Variants in EDA observed in about 807,000 individuals in gnomAD.
The protein encoded by EDA is ectodysplasin-A.
A neutral mutation model predicts 23.6 loss-of-function variants in EDA; 2 were observed. The observed-to-expected ratio is 0.08, with a 90% CI of 0.03 to 0.27. EDA has a LOEUF of 0.27. EDA is among the 10% of genes least tolerant of loss of function. The pLI is 1.00. For missense variants in EDA, 229 were observed against 324.2 expected (o/e 0.71, Z 2.26); for synonymous variants, 131 against 132.0 (o/e 0.99, Z 0.05).
chrX:69,880,682 G>A (rs150713213), intron 1 of EDA, among the ~76,000 whole-genome samples: 88 of 112,090 alleles, frequency 7.9e-4, no homozygotes, highest in African/African-American at 2.8e-3. Flanking sequence ...ACCTCACATT[G>A]GGCAGAAATA....
intron 1 of EDA, among the ~76,000 whole-genome samples, chrX:69,781,304 A>G (rs1006822388): frequency 1.8e-5 from 2 of 111,496 alleles, no homozygotes; most frequent in South Asian, 7.6e-4. Flanking sequence ...TTTTAACCTT[A>G]TGAGGAACTG....
rs749618758 is a variant in EDA, at chrX:69,712,468, C to T, written c.396+95764C>T. On this transcript the variant is annotated intron_variant, in intron 1 of 7. Transcript: ENST00000374552. ...AAAAGACACATGAGAAAATGCTCAT[C>T]ATCACTGGCCATCAGAAAAATGCAA... Among the ~76,000 whole-genome samples the T allele has an allele frequency of 2.7e-5, 3 of 111,645 alleles. No homozygotes were observed. The South Asian group carries it at 1.1e-3, about 42-fold the overall frequency.
chrX:70,032,633 G>A (rs746425529), intron 6 of EDA, among the ~76,000 whole-genome samples: 18 of 111,489 alleles, frequency 1.6e-4, no homozygotes, highest in African/African-American at 4.6e-4. Context: ...CCAAAGGAGT[G>A]TGACTGCCCC....
chrX:69,910,439 A>G lies in EDA; in HGVS notation c.397-46588A>G, dbSNP rs979206841. 1.7e-3 allele frequency among the ~76,000 whole-genome samples: 158 copies of G among 94,163 alleles called. 3 individuals carry two copies. Among genetic ancestry groups the G allele is most frequent in the African/African-American group, 5.2e-3 (129 of 24,820 alleles). 81.8% of individuals were successfully genotyped at this position (94,163 alleles called of 115,157 possible). A position where few individuals can be genotyped will look rare whatever the true frequency, so the allele number is the denominator to read the frequency against. On this transcript the variant is annotated intron_variant, in intron 1 of 7. Transcript: ENST00000374552. The stretch of plus-strand genomic sequence containing the variant: ...TGTGTGTGTGTGTTTCAGTCTTCCT[A>G]GGGGTTTACTGTACTTCTTGAATCT...
chrX:69,916,668 G>C (rs920019214), intron 1 of EDA, among the ~76,000 whole-genome samples: 1 of 110,338 alleles, frequency 9.1e-6, no homozygotes, highest in African/African-American at 3.3e-5. Context: ...GCCTCCCAAA[G>C]TGCTGGGATT....
intron 1 of EDA, chrX:69,861,006 A>G (rs771033255): frequency 8.0e-6 from 4 of 499,393 alleles, no homozygotes; most frequent in African/African-American, 4.7e-5. Context: ...TAACTGTTAA[A>G]TGAACATTTA....
chrX:69,731,041 G>A (rs1020304929), intron 1 of EDA, among the ~76,000 whole-genome samples: 2 of 112,347 alleles, frequency 1.8e-5, no homozygotes, highest in African/African-American at 6.5e-5. Context: ...TTATTTAGTA[G>A]ATATAGAACT....
At chrX:70,000,590 T>C (rs1388497452) in intron 2 of EDA, among the ~76,000 whole-genome samples, 1 of 112,515 alleles carries the variant, frequency 8.9e-6, no homozygotes, top group Non-Finnish European at 1.9e-5. Context: ...TTAATTGAGA[T>C]TTCTGTTTGC....
At chrX:69,743,712 C>T (rs1160744319) in intron 1 of EDA, among the ~76,000 whole-genome samples, 1 of 111,766 alleles carries the variant, frequency 8.9e-6, no homozygotes. Context: ...GTTAACTGCC[C>T]ACATGAACTC....
intron 3 of EDA, among the ~76,000 whole-genome samples, chrX:70,026,905 C>T (rs2020113165): frequency 9.1e-6 from 1 of 109,838 alleles, no homozygotes; most frequent in Non-Finnish European, 1.9e-5. Flanking sequence ...ATCTCCAAAA[C>T]TCCTTCCCAT....
chrX:69,785,769 C>G, intron 1 of EDA, among the ~76,000 whole-genome samples: 1 of 105,829 alleles, frequency 9.4e-6, no homozygotes, highest in Middle Eastern at 4.8e-3. Context: ...TTGGTTGTGT[C>G]TCTGCCCGGC....
chrX:69,889,403 GC>G (rs2017888917), intron 1 of EDA, among the ~76,000 whole-genome samples: 2 of 110,854 alleles, frequency 1.8e-5, no homozygotes, highest in African/African-American at 3.3e-5. Flanking sequence ...TCCTGCCTTG[GC>G]CCCCCAAAGT....
intron 2 of EDA, among the ~76,000 whole-genome samples, chrX:70,003,148 G>C (rs768759623): frequency 4.5e-5 from 5 of 111,912 alleles, no homozygotes; most frequent in Non-Finnish European, 7.5e-5. Flanking sequence ...TTGGCAGGAG[G>C]AGAGAGAAAT....
At chrX:69,621,033 A>G (rs1932161217) in intron 1 of EDA, 2 of 280,004 alleles carry the variant, frequency 7.1e-6, no homozygotes, top group Non-Finnish European at 1.4e-5. Context: ...CCACGTGGTC[A>G]GTCTCCCAGT....
At chrX:69,705,286 T>C (rs1187494365) in intron 1 of EDA, among the ~76,000 whole-genome samples, 9 of 109,401 alleles carry the variant, frequency 8.2e-5, no homozygotes, top group African/African-American at 2.7e-4. Context: ...GCTTTCTGAG[T>C]TCCCCCTCCA....
intron 1 of EDA, among the ~76,000 whole-genome samples, chrX:69,656,797 A>G (rs755388256): frequency 6.5e-4 from 73 of 111,546 alleles, no homozygotes; most frequent in African/African-American, 2.2e-3. Context: ...ATGGCCTCCA[A>G]CTGCATCCAT....
Position 69,804,629 on chromosome X carries a change from C to T in EDA, c.397-152398C>T, listed in dbSNP as rs899856732. 2.7e-5 allele frequency among the ~76,000 whole-genome samples: 3 copies of T among 109,893 alleles called. No individual in the cohort carries two copies. In the Admixed American group the frequency reaches 2.9e-4, roughly 11 times the overall value. ...TAGATTAGTCAACAAAAAAAGATAG[C>T]TGAATTTCACTCATGGGAAAATCCT... On this transcript the variant is annotated intron_variant, in intron 1 of 7. Transcript: ENST00000374552.
At chrX:69,630,461 T>C (rs763208474) in intron 1 of EDA, among the ~76,000 whole-genome samples, 2 of 111,902 alleles carry the variant, frequency 1.8e-5, no homozygotes, top group African/African-American at 3.2e-5. Context: ...TTGGATATCT[T>C]TCTTATCCTG....
At chrX:69,635,672 G>T (rs927426488) in intron 1 of EDA, among the ~76,000 whole-genome samples, 1 of 99,987 alleles carries the variant, frequency 1.0e-5, no homozygotes, top group Non-Finnish European at 2.0e-5. Flanking sequence ...GGTTTCAAGC[G>T]ATTCTCCTGC....
Sources: gnomAD v4.1 joint callset for allele counts (sites outside exome capture counted in the v4.1 genomes callset) on GRCh38, gnomAD v4.1.1 for gene constraint, MANE v1.5 for transcripts, NCBI Gene and HGNC (gene_info 2026-07-23, HGNC 2026-07-21) for gene names.